MCF2L2: variants seen among roughly 807,000 people sequenced by gnomAD.
MCF2L2 encodes MCF.2 cell line derived transforming sequence-like 2, also known as probable guanine nucleotide exchange factor MCF2L2.
Under a neutral mutation model 150.2 loss-of-function variants are expected in MCF2L2, and 102 were observed. The observed-to-expected ratio is 0.68, with a 90% CI of 0.58 to 0.80. The LOEUF (loss-of-function observed/expected upper bound fraction) is 0.80, where lower values mean the gene tolerates loss of function less well. MCF2L2 is among the 30% of genes least tolerant of loss of function. The pLI is 0.00. For missense variants in MCF2L2, 1,256 were observed against 1,372.8 expected (o/e 0.91, Z 1.34); for synonymous variants, 465 against 491.3 (o/e 0.95, Z 0.71).
chr3:183,220,515 A>G (rs531428878), intron 20 of MCF2L2, among the ~76,000 whole-genome samples: 25 of 152,320 alleles, frequency 1.6e-4, no homozygotes, highest in African/African-American at 6.0e-4. Flanking sequence ...ATTTTTTACT[A>G]TAATAATGAT....
At chr3:183,201,418 C>T (rs1252848349) in intron 25 of MCF2L2, among the ~76,000 whole-genome samples, 1 of 152,114 alleles carries the variant, frequency 6.6e-6, no homozygotes, top group African/African-American at 2.4e-5. Flanking sequence ...CATGATTTGG[C>T]TCTCTGTTTG....
Position 183,289,139 on chromosome 3 carries a change from T to C in MCF2L2, c.1757A>G (p.Glu586Gly). The C allele has an allele frequency of 6.2e-7, 1 of 1,613,460 alleles. No individual in the cohort carries two copies. The highest frequency in any genetic ancestry group is 8.5e-7 in the Non-Finnish European group (1 of 1,179,396). Residue 586 changes from glutamate to glycine, a missense_variant, in exon 14 of 30, where the codon GAG (glutamate) becomes GGG (glycine). By Grantham distance (98) the Glu-to-Gly change is moderately conservative (BLOSUM62 -2). Coordinates refer to ENST00000328913, the MANE Select transcript of MCF2L2 (RefSeq NM_015078.4). Reference protein sequence around the residue: ...ELNSRGKEDDETKFEVKSEEI... With the variant: ...ELNSRGKEDDGTKFEVKSEEI... Reference sequence around the variant, plus strand: ...TTTTACCTTGACTTCAAATTTAGTCTCATCATCTTCCTTTCCCCGGGAGTT... The same window carrying C: ...TTTTACCTTGACTTCAAATTTAGTCCCATCATCTTCCTTTCCCCGGGAGTT...
chr3:183,219,230 GA>G (rs577201467), intron 21 of MCF2L2, among the ~76,000 whole-genome samples: 9 of 152,226 alleles, frequency 5.9e-5, no homozygotes, highest in Admixed American at 3.9e-4. Context: ...TACCATTCAG[GA>G]AAGCCACAGC....
chr3:183,270,285 G>C lies in MCF2L2; in HGVS notation c.1862+6587C>G. The C allele has an allele frequency of 6.2e-7, 1 of 1,614,144 alleles. No homozygotes were observed. On this transcript the variant is annotated intron_variant, in intron 15 of 29. Coordinates refer to ENST00000328913, the MANE Select transcript of MCF2L2 (RefSeq NM_015078.4). This position sits in a 1 kb window ranked among gnomAD's most constrained non-coding sequence, Gnocchi z 4.5. Reference sequence around the variant, plus strand: ...TGATATAATTCAGCAAGACTTTGTTGATTCTTTCTACAATCTTACTCTGAA... The same window carrying C: ...TGATATAATTCAGCAAGACTTTGTTCATTCTTTCTACAATCTTACTCTGAA...
chr3:183,402,177 C>A (rs1195199996), intron 1 of MCF2L2, among the ~76,000 whole-genome samples: 1 of 151,970 alleles, frequency 6.6e-6, no homozygotes, highest in Admixed American at 6.6e-5. Flanking sequence ...GGCACGGTGG[C>A]TCATGCCTGT....
chr3:183,423,647 T>A (rs946075832), intron 1 of MCF2L2, among the ~76,000 whole-genome samples: 4 of 145,880 alleles, frequency 2.7e-5, no homozygotes, highest in East Asian at 2.0e-4. Flanking sequence ...TTTTTTTTTT[T>A]TTTTTTTTTG....
In MCF2L2 at chr3:183,278,440, ATT is replaced by A. The variant is rs879742949; in HGVS notation, c.1777-1485_1777-1484del. ...AGTCCCAGTCAAATTCAATCTAATT[ATT>A]TTCACCACACTACCAAAAGTCTTTC... On this transcript the variant is annotated intron_variant, in intron 14 of 29. Coordinates refer to ENST00000328913, the MANE Select transcript of MCF2L2 (RefSeq NM_015078.4). 9.7e-3 allele frequency among the ~76,000 whole-genome samples: 1,480 copies of A among 152,124 alleles called. 10 individuals carry two copies. The highest frequency in any genetic ancestry group is 0.017 in the Non-Finnish European group (1,157 of 67,996).
chr3:183,256,414 A>C (rs1438974523), intron 15 of MCF2L2, among the ~76,000 whole-genome samples: 1 of 152,188 alleles, frequency 6.6e-6, no homozygotes, highest in African/African-American at 2.4e-5. Flanking sequence ...TATTTAAAGG[A>C]TAAGAAACTT....
intron 10 of MCF2L2, among the ~76,000 whole-genome samples, chr3:183,301,204 A>G (rs1728830943): frequency 6.6e-6 from 1 of 151,928 alleles, no homozygotes; most frequent in South Asian, 2.1e-4. Flanking sequence ...TCCTTCTCAT[A>G]TTATTGAGAA....
At chr3:183,347,993 C>T (rs1730966314) in intron 3 of MCF2L2, among the ~76,000 whole-genome samples, 1 of 152,156 alleles carries the variant, frequency 6.6e-6, no homozygotes, top group South Asian at 2.1e-4. Context: ...GACAGTGTGG[C>T]AACTCCTCAA....
intron 3 of MCF2L2, among the ~76,000 whole-genome samples, chr3:183,364,460 C>T (rs911316119): frequency 3.9e-5 from 6 of 152,006 alleles, no homozygotes; most frequent in Admixed American, 2.6e-4. Flanking sequence ...GCGGAGCTTG[C>T]AGTGAGCCAA....
At chr3:183,339,203 A>C (rs188701465) in intron 4 of MCF2L2, among the ~76,000 whole-genome samples, 3 of 152,334 alleles carry the variant, frequency 2.0e-5, no homozygotes, top group Non-Finnish European at 4.4e-5. Context: ...GAAATTAATA[A>C]AACTATACAT....
At chr3:183,401,250 TG>T (rs1714739339) in intron 1 of MCF2L2, among the ~76,000 whole-genome samples, 1 of 152,172 alleles carries the variant, frequency 6.6e-6, no homozygotes, top group African/African-American at 2.4e-5. Context: ...TCATGCTTAA[TG>T]GTATTTATTA....
chr3:183,342,257 T>C (rs1036058159), intron 3 of MCF2L2, among the ~76,000 whole-genome samples: 1 of 151,970 alleles, frequency 6.6e-6, no homozygotes, highest in African/African-American at 2.4e-5. Context: ...AGTGAAAACA[T>C]TTTTTTTCTC....
At chr3:183,198,196 G>C (rs1044726453) in intron 25 of MCF2L2, among the ~76,000 whole-genome samples, 5 of 152,140 alleles carry the variant, frequency 3.3e-5, no homozygotes, top group African/African-American at 7.2e-5. Flanking sequence ...TCATTAACAA[G>C]TAAATGGATA....
chr3:183,214,550 A>G (rs1722844385), intron 22 of MCF2L2, among the ~76,000 whole-genome samples: 2 of 152,188 alleles, frequency 1.3e-5, no homozygotes, highest in African/African-American at 4.8e-5. Context: ...ACAAGGAAAG[A>G]AAAGTCATTT....
At chr3:183,292,815 T>G (rs116367315) in intron 13 of MCF2L2, among the ~76,000 whole-genome samples, 15 of 152,180 alleles carry the variant, frequency 9.9e-5, no homozygotes, top group African/African-American at 3.6e-4. Context: ...TCATGACAAG[T>G]TAAGGATGCA....
At position 183,197,208 on chromosome 3, in the gene MCF2L2, A is replaced by G. The variant is rs1722107001; in HGVS notation, c.2885-1953T>C. ...GGAAGAACAAAATTATAGGACTCTA[A>G]CTACCTCATTTTAAGACTTATTAGA... On this transcript the variant is annotated intron_variant, in intron 25 of 29. Transcript: ENST00000328913. The surrounding 1 kb of genome is among the most constrained non-coding windows in gnomAD (Gnocchi z 4.5). 6.6e-6 allele frequency among the ~76,000 whole-genome samples: 1 copy of G among 152,228 alleles called. No individual in the cohort carries two copies. Among genetic ancestry groups the G allele is most frequent in the Non-Finnish European group, 1.5e-5 (1 of 68,040 alleles).
intron 14 of MCF2L2, among the ~76,000 whole-genome samples, chr3:183,284,424 G>A (rs1473893150): frequency 6.6e-6 from 1 of 152,160 alleles, no homozygotes; most frequent in Non-Finnish European, 1.5e-5. Context: ...TTCAGATTCT[G>A]AGTGTGGTGA....
Sources: allele counts gnomAD v4.1 joint callset (sites outside exome capture counted in the v4.1 genomes callset), GRCh38; gene constraint gnomAD v4.1.1; non-coding constraint Gnocchi (gnomAD v3.1); transcripts MANE v1.5; gene names NCBI Gene and HGNC (gene_info 2026-07-23, HGNC 2026-07-21).